The following FAAH2 variants were observed in gnomAD, a reference collection of about 807,000 sequenced individuals.
FAAH2 encodes the protein fatty acid amide hydrolase 2.
Under a neutral mutation model 36.9 loss-of-function variants are expected in FAAH2, and 60 were observed. The ratio of observed to expected loss-of-function variants is 1.63; its 90% confidence interval spans 1.32 to 2.02. FAAH2 has a LOEUF of 2.02. Among genes scored for constraint, FAAH2 ranks in the 30% most tolerant of loss-of-function variants. FAAH2 has a pLI of 0.00. For missense variants in FAAH2, 689 were observed against 397.5 expected (o/e 1.73, Z -6.23); for synonymous variants, 214 against 143.8 (o/e 1.49, Z -3.49).
At chrX:57,353,397 T>C (rs760556863) in intron 5 of FAAH2, among the ~76,000 whole-genome samples, 1 of 100,398 alleles carries the variant, frequency 1.0e-5, no homozygotes, top group Admixed American at 1.1e-4. Context: ...TAGTCATATA[T>C]AAAAGAATGA....
At chrX:57,464,261 T>C (rs992692385) in intron 10 of FAAH2, among the ~76,000 whole-genome samples, 20 of 109,946 alleles carry the variant, frequency 1.8e-4, no homozygotes, top group Non-Finnish European at 3.4e-4. Context: ...TATTATGGCA[T>C]TGGGGGAAAG....
chrX:57,222,438 C>T, the FAAH2 span, among the ~76,000 whole-genome samples: 1 of 111,763 alleles, frequency 8.9e-6, no homozygotes, highest in African/African-American at 3.3e-5. Flanking sequence ...AAGGGACCTA[C>T]CGCCCAGGTT....
Position 57,488,902 on chromosome X carries a change from TG to T in FAAH2, c.1574del (p.Gly525AlafsTer67). 7 of 1,210,621 alleles carry T rather than the reference TG, an allele frequency of 5.8e-6. No individual in the cohort carries two copies. Among genetic ancestry groups the T allele is most frequent in the Non-Finnish European group, 7.8e-6 (7 of 895,200 alleles). The part of the protein sequence containing the change: ...AVAQYLEKTF[G>X]GWVCPGKF The stretch of plus-strand genomic sequence containing the variant: ...TGGCCCAGTACTTGGAGAAAACTTT[TG>T]GGGGCTGGGTCTGTCCAGGAAAGTT... On this transcript the variant is annotated frameshift_variant, in exon 11 of 11. Coordinates refer to ENST00000374900, the MANE Select transcript of FAAH2 (RefSeq NM_174912.4). LOFTEE classifies it high-confidence loss of function.
At chrX:57,478,340 G>T (rs763429477) in intron 10 of FAAH2, among the ~76,000 whole-genome samples, 4 of 110,944 alleles carry the variant, frequency 3.6e-5, no homozygotes, top group African/African-American at 1.3e-4. Context: ...GGGGTTGTTT[G>T]TTTTTTTCTT....
chrX:57,141,545 T>G, the FAAH2 span, among the ~76,000 whole-genome samples: 1 of 111,497 alleles, frequency 9.0e-6, no homozygotes, highest in Non-Finnish European at 1.9e-5. Flanking sequence ...AATTCAGCAG[T>G]GCAGCCACAA....
the FAAH2 span, among the ~76,000 whole-genome samples, chrX:57,254,069 C>A: frequency 9.4e-6 from 1 of 106,602 alleles, no homozygotes; most frequent in African/African-American, 3.4e-5. Flanking sequence ...CACATAGGCT[C>A]AAAATAAAGG....
intron 2 of FAAH2, among the ~76,000 whole-genome samples, chrX:57,294,941 AAAGTAACACTG>A (rs1473616184): frequency 8.9e-6 from 1 of 112,241 alleles, no homozygotes; most frequent in Non-Finnish European, 1.9e-5. Flanking sequence ...AAACAAAAAA[AAAGTAACACTG>A]AAGTAACACC....
intron 8 of FAAH2, among the ~76,000 whole-genome samples, chrX:57,439,698 T>C (rs1026666092): frequency 2.7e-5 from 3 of 111,918 alleles, no homozygotes; most frequent in East Asian, 2.8e-4. Flanking sequence ...CTGAATGGTA[T>C]TGCCTAGGTT....
intron 2 of FAAH2, among the ~76,000 whole-genome samples, chrX:57,303,675 G>T (rs2052440441): frequency 8.9e-6 from 1 of 111,825 alleles, no homozygotes; most frequent in Non-Finnish European, 1.9e-5. Flanking sequence ...CCTGGGATTT[G>T]ACCACTCTGC....
chrX:57,294,616 G>A (rs368185924), intron 2 of FAAH2, among the ~76,000 whole-genome samples: 12 of 111,352 alleles, frequency 1.1e-4, no homozygotes, highest in East Asian at 2.8e-4. Context: ...CTAATCGTAC[G>A]GAACTACTCT....
chrX:57,323,704 A>G (rs1474451812), intron 3 of FAAH2, among the ~76,000 whole-genome samples: 1 of 52,114 alleles, frequency 1.9e-5, no homozygotes, highest in Admixed American at 2.3e-4. Flanking sequence ...TTTTTTTTGT[A>G]AACTTGTTTG....
intron 8 of FAAH2, among the ~76,000 whole-genome samples, chrX:57,436,369 T>A (rs1490957252): frequency 9.3e-6 from 1 of 107,871 alleles, no homozygotes; most frequent in East Asian, 2.9e-4. Flanking sequence ...AAAAAAAAAA[T>A]TCTAGTAGAA....
chrX:57,273,287 C>A, the FAAH2 span, among the ~76,000 whole-genome samples: 4 of 111,122 alleles, frequency 3.6e-5, no homozygotes, highest in Non-Finnish European at 7.6e-5. Context: ...CCTAGAAAGA[C>A]TTAGACTCCC....
intron 6 of FAAH2, among the ~76,000 whole-genome samples, chrX:57,379,543 T>TCA (rs1183599159): frequency 2.4e-4 from 26 of 107,222 alleles, no homozygotes; most frequent in African/African-American, 8.3e-4. Context: ...TCTCTCTCTC[T>TCA]CTCACACACA....
At chrX:57,292,961 G>C (rs897875320) in intron 2 of FAAH2, among the ~76,000 whole-genome samples, 1 of 111,651 alleles carries the variant, frequency 9.0e-6, no homozygotes. Flanking sequence ...TGTGTATTTA[G>C]CATAGTAGAT....
At chrX:57,256,652 A>T in the FAAH2 span, among the ~76,000 whole-genome samples, 221 of 112,015 alleles carry the variant, frequency 2.0e-3, no homozygotes, top group African/African-American at 6.7e-3. Context: ...CTTCATGTCT[A>T]AAACACCAAA....
At chrX:57,196,027 G>T in the FAAH2 span, among the ~76,000 whole-genome samples, 4 of 111,885 alleles carry the variant, frequency 3.6e-5, no homozygotes, top group African/African-American at 6.5e-5. Flanking sequence ...TTGAAGTTGG[G>T]TAATGTGATG....
At chrX:57,189,038 T>C in the FAAH2 span, among the ~76,000 whole-genome samples, 1 of 111,592 alleles carries the variant, frequency 9.0e-6, no homozygotes, top group African/African-American at 3.3e-5. Context: ...ATTGTAGGTT[T>C]GGTCTTTTCA....
chrX:57,398,105 A>T (rs770414139), intron 7 of FAAH2, among the ~76,000 whole-genome samples: 1 of 111,480 alleles, frequency 9.0e-6, no homozygotes, highest in African/African-American at 3.3e-5. Context: ...TATCAAAAGG[A>T]TCTAGAACTA....
Sources: gnomAD v4.1 joint callset for allele counts (sites outside exome capture counted in the v4.1 genomes callset) on GRCh38, gnomAD v4.1.1 for gene constraint, MANE v1.5 for transcripts, NCBI Gene and HGNC (gene_info 2026-07-23, HGNC 2026-07-21) for gene names.